The following SLC16A1 variants were observed in gnomAD, a reference collection of about 807,000 sequenced individuals.
SLC16A1 encodes the protein monocarboxylate transporter 1.
Under a neutral mutation model 32.2 loss-of-function variants are expected in SLC16A1, and 11 were observed. The ratio of observed to expected loss-of-function variants is 0.34; its 90% CI spans 0.21 to 0.56. The LOEUF (loss-of-function observed/expected upper bound fraction) is 0.56, where lower values mean the gene tolerates loss of function less well. SLC16A1 is among the 20% of genes least tolerant of loss of function. The pLI is 0.87. For synonymous variants in SLC16A1, 231 were observed against 226.8 expected (o/e 1.02, Z -0.17); for missense variants, 435 against 615.0 (o/e 0.71, Z 3.10).
rs764345073 is a variant in SLC16A1, at chr1:112,917,416, C to T, written c.990G>A (p.Gln330=). ...ANTKPIRPRI[Q]YFFAASVVAN... ...CAACAACGGAAGCCGCAAAGAAATACTGAATTCGAGGTCTTATTGGCTTTG... is the reference window on the plus strand; with the variant it reads ...CAACAACGGAAGCCGCAAAGAAATATTGAATTCGAGGTCTTATTGGCTTTG... Residue 330 remains glutamine, a synonymous_variant, in exon 4 of 5, where the codon CAG becomes CAA. Transcript: ENST00000369626. This position sits in a 1 kb window ranked among gnomAD's most constrained non-coding sequence, Gnocchi z 4.1. 2 of 1,614,220 alleles carry T rather than the reference C, an allele frequency of 1.2e-6. No homozygotes were observed. Among genetic ancestry groups the T allele is most frequent in the South Asian group, 2.2e-5 (2 of 91,084 alleles).
intron 1 of SLC16A1, among the ~76,000 whole-genome samples, chr1:112,943,448 T>C (rs1275652781): frequency 6.6e-6 from 1 of 152,188 alleles, no homozygotes; most frequent in Non-Finnish European, 1.5e-5. Flanking sequence ...AGATCAAATA[T>C]CAATGTCCTA....
At chr1:112,924,786 C>T (rs1648876447) in intron 2 of SLC16A1, among the ~76,000 whole-genome samples, 1 of 152,048 alleles carries the variant, frequency 6.6e-6, no homozygotes, top group Admixed American at 6.6e-5. Context: ...ACTCGGGAGG[C>T]TGAGGCGAAG....
chr1:112,928,973 G>GAAATAA, intron 2 of SLC16A1, 119 bp downstream of exon 2: 1 of 762,532 alleles, frequency 1.3e-6, no homozygotes, highest in Non-Finnish European at 2.2e-6. Context: ...CAAACTTTAA[G>GAAATAA]AAATAACATT....
Position 112,929,284 on chromosome 1 carries a change from C to T in SLC16A1, c.25G>A (p.Val9Ile), listed in dbSNP as rs2101633650. Residue 9 changes from valine (V) to isoleucine (I), a missense_variant, in exon 2 of 5, where the codon GTT (valine) becomes ATT (isoleucine). Physicochemically the swap from Val to Ile is conservative, Grantham distance 29. Coordinates refer to ENST00000369626, the MANE Select transcript of SLC16A1 (RefSeq NM_003051.4). MPPAVGGP[V>I]GYTPPDGGWG... ...CCTCCATCTGGGGGGGTGTATCCAA[C>T]TGGACCTCCAACTGCTGGTGGCATT... 1 of 1,614,110 alleles carries T rather than the reference C, an allele frequency of 6.2e-7. No homozygotes were observed. Among genetic ancestry groups the T allele is most frequent in the East Asian group, 2.2e-5 (1 of 44,892 alleles).
At chr1:112,938,530 C>T (rs1031679156) in intron 1 of SLC16A1, among the ~76,000 whole-genome samples, 3 of 152,172 alleles carry the variant, frequency 2.0e-5, no homozygotes, top group Admixed American at 6.5e-5. Context: ...TCAGCAATTA[C>T]GAAATGCATA....
At chr1:112,924,272 G>A in intron 2 of SLC16A1, 1 of 1,472,086 alleles carries the variant, frequency 6.8e-7, no homozygotes, top group South Asian at 1.1e-5. Context: ...GGCCCCTGGA[G>A]CCAGATGTTG....
rs1175656741 is a variant in SLC16A1 at position 112,913,743 on chromosome 1, CAAA to C, written c.*145_*147del. The C allele has an allele frequency of 1.0e-6, 1 of 1,000,682 alleles. No individual in the cohort carries two copies. Among genetic ancestry groups the C allele is most frequent in the Non-Finnish European group, 1.5e-6 (1 of 647,926 alleles). The allele number at this position is 1,000,682 out of a possible 1,614,324, so 62.0% of individuals were successfully genotyped here. A position where few individuals can be genotyped will look rare whatever the true frequency, so the allele number is the denominator to read the frequency against. Reference sequence around the variant, plus strand: ...TTCAGGCTATTGGTAAGGAGTCAAACAAAAATCCCATCAATGAACAACTGGTAT... The same window carrying C: ...TTCAGGCTATTGGTAAGGAGTCAAACAATCCCATCAATGAACAACTGGTAT... On this transcript the variant is annotated 3_prime_UTR_variant, in exon 5 of 5. Coordinates refer to ENST00000369626, the MANE Select transcript of SLC16A1 (RefSeq NM_003051.4).
At chr1:112,941,261 T>C (rs1649498110) in intron 1 of SLC16A1, among the ~76,000 whole-genome samples, 1 of 149,660 alleles carries the variant, frequency 6.7e-6, no homozygotes, top group Non-Finnish European at 1.5e-5. Flanking sequence ...GTTTATCCCC[T>C]ATAGACCTCT....
chr1:112,923,750 G>C, intron 2 of SLC16A1: 1 of 1,523,696 alleles, frequency 6.6e-7, no homozygotes, highest in South Asian at 1.1e-5. Flanking sequence ...TGCACCAGGA[G>C]GGCAAGTTCC....
intron 1 of SLC16A1, among the ~76,000 whole-genome samples, chr1:112,949,144 G>C (rs1414161938): frequency 6.6e-6 from 1 of 152,048 alleles, no homozygotes; most frequent in African/African-American, 2.4e-5. Flanking sequence ...CCACCTCTCA[G>C]GTTCAAGCGA....
intron 1 of SLC16A1, chr1:112,955,578 T>C (rs1034809128): frequency 1.3e-5 from 2 of 152,158 alleles, no homozygotes; most frequent in South Asian, 2.1e-4. Flanking sequence ...GGGCGGACAA[T>C]GTCACGAATC....
intron 1 of SLC16A1, among the ~76,000 whole-genome samples, chr1:112,934,975 T>C (rs1649249503): frequency 6.6e-6 from 1 of 152,166 alleles, no homozygotes; most frequent in Non-Finnish European, 1.5e-5. Context: ...ACTATAGGCA[T>C]AGCAATATGA....
chr1:112,944,141 A>T (rs982876136), intron 1 of SLC16A1, among the ~76,000 whole-genome samples: 2 of 152,200 alleles, frequency 1.3e-5, no homozygotes, highest in African/African-American at 4.8e-5. Flanking sequence ...TCCAATGAAC[A>T]TGTATTACCT....
At chr1:112,943,725 T>A (rs1570643103) in intron 1 of SLC16A1, among the ~76,000 whole-genome samples, 1 of 146,644 alleles carries the variant, frequency 6.8e-6, no homozygotes, top group East Asian at 2.0e-4. Flanking sequence ...GAGGCGGAGG[T>A]TGTGGTGAGC....
intron 3 of SLC16A1, among the ~76,000 whole-genome samples, chr1:112,919,011 T>TTTTTTTTATTTATTTA (rs1553208041): frequency 2.8e-5 from 4 of 144,292 alleles, no homozygotes; most frequent in South Asian, 4.4e-4. Context: ...TACTAATTTA[T>TTTTTTTTATTTATTTA]TTTATTTATT....
intron 2 of SLC16A1, 128 bp from the exon 3 acceptor site, chr1:112,922,261 A>G: frequency 2.3e-6 from 2 of 870,116 alleles, no homozygotes; most frequent in Non-Finnish European, 1.8e-6. Context: ...ATTGTTTTCT[A>G]TAATTACTTC....
chr1:112,952,393 T>C (rs553142309), intron 1 of SLC16A1, among the ~76,000 whole-genome samples: 60 of 152,326 alleles, frequency 3.9e-4, no homozygotes, highest in African/African-American at 1.2e-3. Flanking sequence ...TGAGGGAACC[T>C]ATAGATTAAA....
Position 112,914,162 on chromosome 1 carries a change from C to T in SLC16A1, c.1232G>A (p.Arg411Gln), listed in dbSNP as rs1308624795. The change falls in exon 5 of 5, where the codon CGG becomes CAG. Residue 411 changes from arginine to glutamine, a missense_variant. Arg to Gln is a conservative substitution (Grantham distance 43). Coordinates refer to ENST00000369626, the MANE Select transcript of SLC16A1 (RefSeq NM_003051.4). ...PVLLGPPLLG[R>Q]LNDMYGDYKY... ...GTAGTCTCCATACATGTCATTGAGC[C>T]GACCTAAATATGTAAAACAACACAA... 9.9e-6 allele frequency: 16 copies of T among 1,613,928 alleles called. No individual in the cohort carries two copies. The highest frequency in any genetic ancestry group is 5.3e-5 in the African/African-American group (4 of 74,884).
chr1:112,923,478 C>T lies in SLC16A1; in HGVS notation c.218-1345G>A, dbSNP rs373620232. The T allele has an allele frequency of 8.6e-5, 69 of 805,618 alleles. 1 individual carries two copies. Among genetic ancestry groups the T allele is most frequent in the East Asian group, 5.1e-4 (20 of 39,136 alleles). 49.9% of individuals were successfully genotyped at this position (805,618 alleles called of 1,614,324 possible). On this transcript the variant is annotated intron_variant, in intron 2 of 4. Transcript: ENST00000369626. Reference sequence around the variant, plus strand: ...ATGGAGATGGGGCGCCGTAGTCACCCGCGCCTTCCTGGAGCACGGCCACAC... The same window carrying T: ...ATGGAGATGGGGCGCCGTAGTCACCTGCGCCTTCCTGGAGCACGGCCACAC...
Sources: gnomAD v4.1 joint callset for allele counts (sites outside exome capture counted in the v4.1 genomes callset) on GRCh38, gnomAD v4.1.1 for gene constraint, Gnocchi (gnomAD v3.1) non-coding constraint, MANE v1.5 for transcripts, NCBI Gene and HGNC (gene_info 2026-07-23, HGNC 2026-07-21) for gene names.